Variants in BCAR3 observed in about 807,000 individuals in gnomAD.
The protein encoded by BCAR3 is breast cancer anti-estrogen resistance protein 3.
In BCAR3, 37 loss-of-function variants were observed where a neutral mutation model predicts 80.1. The ratio of observed to expected loss-of-function variants is 0.46; its 90% CI spans 0.36 to 0.61. The LOEUF (loss-of-function observed/expected upper bound fraction) is 0.61, where lower values mean the gene tolerates loss of function less well. Among genes scored for constraint, BCAR3 ranks in the 20% least tolerant of loss-of-function variants. BCAR3 has a pLI of 0.00. For missense variants in BCAR3, 978 were observed against 1,068.2 expected, an observed-to-expected ratio of 0.92 and a Z score of 1.18; for synonymous variants, 389 against 418.9, an observed-to-expected ratio of 0.93 and a Z score of 0.87.
At chr1:93,690,279 T>C (rs912205371) in intron 3 of BCAR3, among the ~76,000 whole-genome samples, 1 of 152,260 alleles carries the variant, frequency 6.6e-6, no homozygotes, top group African/African-American at 2.4e-5. Flanking sequence ...GCTCCTTTTC[T>C]TTCATGTTAT....
chr1:93,737,532 C>T (rs933003018), intron 2 of BCAR3, among the ~76,000 whole-genome samples: 7 of 152,154 alleles, frequency 4.6e-5, no homozygotes, highest in African/African-American at 1.7e-4. Flanking sequence ...AGGAGACAGG[C>T]ACAGGATGGT....
intron 7 of BCAR3, among the ~76,000 whole-genome samples, 167 bp downstream of exon 7, chr1:93,582,134 G>A (rs538829414): frequency 6.6e-6 from 1 of 152,196 alleles, no homozygotes; most frequent in East Asian, 1.9e-4. Flanking sequence ...TCCCATGCTG[G>A]TGTTATCTTC....
At chr1:93,749,315 G>A (rs12133653) in intron 2 of BCAR3, among the ~76,000 whole-genome samples, 17,811 of 151,966 alleles carry the variant, frequency 0.12, 1,471 homozygotes, top group African/African-American at 0.22. Context: ...TGGGCTGGCC[G>A]AGGTGGATCA....
chr1:93,698,381 A>G (rs1649500115), intron 3 of BCAR3, among the ~76,000 whole-genome samples: 2 of 152,226 alleles, frequency 1.3e-5, no homozygotes, highest in South Asian at 4.1e-4. Context: ...GTTTAGGAGA[A>G]CATAAAAGGA....
Position 93,588,957 on chromosome 1 carries a change from CA to C in BCAR3, c.929+19del, listed in dbSNP as rs1473475178. 4 of 1,537,296 alleles carry C rather than the reference CA, an allele frequency of 2.6e-6. No homozygotes were observed. Among genetic ancestry groups the C allele is most frequent in the Non-Finnish European group, 3.5e-6 (4 of 1,140,064 alleles). On this transcript the variant is annotated intron_variant, in intron 5 of 11. Coordinates refer to ENST00000260502, the MANE Select transcript of BCAR3 (RefSeq NM_003567.4). ...CACCCCGGCGCCCCTCATAGTCCTG[CA>C]GAGGAGGCCCTGACCTACCTGAGGA...
At chr1:93,654,042 A>G (rs1352109494) in intron 2 of BCAR3, among the ~76,000 whole-genome samples, 3 of 151,370 alleles carry the variant, frequency 2.0e-5, no homozygotes, top group Non-Finnish European at 4.4e-5. Flanking sequence ...TCAGAACAAA[A>G]CCCTCAAGTC....
intron 2 of BCAR3, among the ~76,000 whole-genome samples, chr1:93,809,228 G>A (rs544401519): frequency 6.6e-6 from 1 of 152,202 alleles, no homozygotes; most frequent in South Asian, 2.1e-4. Context: ...ATGGGGAGGA[G>A]GCAGGAGTGG....
intron 2 of BCAR3, among the ~76,000 whole-genome samples, chr1:93,732,337 A>C (rs1571081345): frequency 1.3e-5 from 2 of 152,310 alleles, no homozygotes; most frequent in East Asian, 1.9e-4. Flanking sequence ...AGATCTGGCC[A>C]GGTGCAGTGG....
chr1:93,725,764 A>G (rs1028953593), intron 2 of BCAR3, among the ~76,000 whole-genome samples: 1 of 152,226 alleles, frequency 6.6e-6, no homozygotes, highest in Admixed American at 6.5e-5. Context: ...ATCCACTAAG[A>G]GTTGATATTT....
At chr1:93,773,356 C>G (rs901572857) in intron 2 of BCAR3, among the ~76,000 whole-genome samples, 1 of 152,126 alleles carries the variant, frequency 6.6e-6, no homozygotes, top group Non-Finnish European at 1.5e-5. Flanking sequence ...GAATGCTTAA[C>G]AAAAGCTTCT....
chr1:93,597,175 C>G (rs1674448442), intron 3 of BCAR3, among the ~76,000 whole-genome samples: 1 of 152,172 alleles, frequency 6.6e-6, no homozygotes, highest in Admixed American at 6.5e-5. Context: ...GAGTTAGTAA[C>G]TACTGTACAT....
At chr1:93,830,556 T>G (rs1306437474) in intron 2 of BCAR3, among the ~76,000 whole-genome samples, 2 of 151,862 alleles carry the variant, frequency 1.3e-5, no homozygotes, top group African/African-American at 4.8e-5. Context: ...TCCCCGCCCC[T>G]GCCTCCAAGA....
At chr1:93,777,264 A>G (rs981856912) in intron 2 of BCAR3, among the ~76,000 whole-genome samples, 4 of 152,302 alleles carry the variant, frequency 2.6e-5, no homozygotes, top group African/African-American at 9.6e-5. Context: ...GTACATTGTT[A>G]TGGCAGCCAT....
At chr1:93,564,831 T>C (rs780966539) in intron 11 of BCAR3, among the ~76,000 whole-genome samples, 8 of 152,198 alleles carry the variant, frequency 5.3e-5, no homozygotes, top group Non-Finnish European at 5.9e-5. Context: ...TGTGTGGGCC[T>C]ATTTCTTAAC....
intron 3 of BCAR3, among the ~76,000 whole-genome samples, chr1:93,637,923 G>C (rs1234036498): frequency 6.6e-6 from 1 of 152,206 alleles, no homozygotes; most frequent in Non-Finnish European, 1.5e-5. Context: ...ACAGAGAGCA[G>C]GTGGCAAATC....
chr1:93,664,664 C>T (rs1027195584), intron 2 of BCAR3, among the ~76,000 whole-genome samples: 8 of 152,154 alleles, frequency 5.3e-5, no homozygotes, highest in African/African-American at 1.9e-4. Flanking sequence ...AACCTGGGCT[C>T]AGCAGAATTC....
At chr1:93,759,885 T>C (rs6704348) in intron 2 of BCAR3, among the ~76,000 whole-genome samples, 12,919 of 152,142 alleles carry the variant, frequency 0.085, 1,078 homozygotes, top group African/African-American at 0.21. Context: ...GCCACATGCC[T>C]TGCCCCTCGC....
chr1:93,745,811 G>T (rs1651338051), intron 2 of BCAR3, among the ~76,000 whole-genome samples: 1 of 152,148 alleles, frequency 6.6e-6, no homozygotes, highest in Non-Finnish European at 1.5e-5. Context: ...AGGCCAAGGT[G>T]GGAGGATCAC....
chr1:93,846,503 C>T (rs997661601), intron 1 of BCAR3, among the ~76,000 whole-genome samples: 2 of 152,138 alleles, frequency 1.3e-5, no homozygotes, highest in Non-Finnish European at 2.9e-5. Flanking sequence ...GGATGGGGAT[C>T]ACTGCGGGCA....
Sources: gnomAD v4.1 joint callset for allele counts (sites outside exome capture counted in the v4.1 genomes callset) on GRCh38, gnomAD v4.1.1 for gene constraint, MANE v1.5 for transcripts, NCBI Gene and HGNC (gene_info 2026-07-23, HGNC 2026-07-21) for gene names.